Variants in RASSF3 observed in about 807,000 individuals in gnomAD.
RASSF3 encodes the protein Ras association domain family member 3, also known as ras association domain-containing protein 3.
A neutral mutation model predicts 19.9 loss-of-function variants in RASSF3; 19 were observed. That is an observed-to-expected ratio of 0.96 (90% CI 0.67 to 1.40). The LOEUF is 1.40. Ranked by LOEUF, RASSF3 falls within the 40% of genes most tolerant of loss-of-function variation. The pLI is 0.00. For missense variants in RASSF3, 306 were observed against 289.8 expected (o/e 1.06, Z -0.41); for synonymous variants, 110 against 104.2 (o/e 1.06, Z -0.34).
chr12:64,583,588 C>T (rs1869739855), intron 2 of RASSF3, among the ~76,000 whole-genome samples: 1 of 152,212 alleles, frequency 6.6e-6, no homozygotes, highest in Non-Finnish European at 1.5e-5. Flanking sequence ...CGCCATTGCA[C>T]TCCAGCCTGG....
At chr12:64,622,208 G>A (rs1870798654) in intron 1 of RASSF3, among the ~76,000 whole-genome samples, 1 of 147,554 alleles carries the variant, frequency 6.8e-6, no homozygotes, top group Non-Finnish European at 1.5e-5. Context: ...GCACCACCAT[G>A]TCCAGCTATT....
At chr12:64,632,265 TGTG>T (rs1871192485) in intron 1 of RASSF3, among the ~76,000 whole-genome samples, 2 of 151,720 alleles carry the variant, frequency 1.3e-5, no homozygotes, top group Admixed American at 1.3e-4. Flanking sequence ...ACGCCAAAGG[TGTG>T]GTGAAAAACT....
intron 2 of RASSF3, among the ~76,000 whole-genome samples, chr12:64,561,994 T>C (rs1869355831): frequency 1.0e-5 from 1 of 97,026 alleles, no homozygotes; most frequent in African/African-American, 2.9e-5. Context: ...ATAGTATTTA[T>C]TTATTTATTT....
chr12:64,592,441 A>G (rs187489542), intron 2 of RASSF3, among the ~76,000 whole-genome samples: 41 of 152,264 alleles, frequency 2.7e-4, no homozygotes, highest in African/African-American at 9.9e-4. Context: ...AACTTTGACC[A>G]TGAGGCATTT....
At chr12:64,580,611 C>CACACACAT (rs1869678600) in intron 2 of RASSF3, among the ~76,000 whole-genome samples, 1 of 151,306 alleles carries the variant, frequency 6.6e-6, no homozygotes, top group Non-Finnish European at 1.5e-5. Flanking sequence ...CACACACACA[C>CACACACAT]ACATCCACAC....
At chr12:64,510,213 T>C (rs748568063) in intron 1 of RASSF3, among the ~76,000 whole-genome samples, 1 of 152,226 alleles carries the variant, frequency 6.6e-6, no homozygotes, top group Non-Finnish European at 1.5e-5. Flanking sequence ...ATCTCCAGTG[T>C]TTAACATAGT....
intron 2 of RASSF3, among the ~76,000 whole-genome samples, chr12:64,585,601 C>CTTTT (rs35374871): frequency 1.0e-5 from 1 of 96,266 alleles, no homozygotes; most frequent in African/African-American, 4.5e-5. Context: ...TAGGCAAGTC[C>CTTTT]TTTTTTTTTT....
intron 1 of RASSF3, among the ~76,000 whole-genome samples, chr12:64,669,388 A>G (rs1250108242): frequency 6.6e-6 from 1 of 152,054 alleles, no homozygotes; most frequent in Non-Finnish European, 1.5e-5. Context: ...TGGATGAAAC[A>G]GTTCCCCCTG....
chr12:64,670,544 C>CT (rs34897392), intron 1 of RASSF3, among the ~76,000 whole-genome samples: 31,109 of 131,170 alleles, frequency 0.24, 4,294 homozygotes, highest in South Asian at 0.38. Context: ...CTCTCTCTCT[C>CT]TTTTTTTTTT....
chr12:64,535,975 C>T (rs1305349629), intron 1 of RASSF3, among the ~76,000 whole-genome samples: 1 of 150,860 alleles, frequency 6.6e-6, no homozygotes, highest in African/African-American at 2.4e-5. Context: ...GTGTGAACCA[C>T]CGCACCCAGC....
intron 2 of RASSF3, among the ~76,000 whole-genome samples, chr12:64,597,480 A>G (rs1870015952): frequency 6.8e-6 from 1 of 146,770 alleles, no homozygotes; most frequent in Non-Finnish European, 1.5e-5. Flanking sequence ...ATTTTGAGAC[A>G]GAGTCTCGCT....
At chr12:64,543,452 G>GCCCGC (rs1293762384), downstream of RASSF3, among the ~76,000 whole-genome samples, 1 of 10,860 alleles carries the variant, frequency 9.2e-5, no homozygotes, top group African/African-American at 4.3e-4. Flanking sequence ...GTGCCCGCCC[G>GCCCGC]CCCCCCGCTC....
chr12:64,509,128 T>G (rs1289853310), intron 1 of RASSF3, among the ~76,000 whole-genome samples: 1 of 151,998 alleles, frequency 6.6e-6, no homozygotes, highest in African/African-American at 2.4e-5. Flanking sequence ...TTAAGAAAAA[T>G]CATCTTCACC....
chr12:64,677,948 C>T (rs1018058442), intron 1 of RASSF3, among the ~76,000 whole-genome samples: 1 of 152,214 alleles, frequency 6.6e-6, no homozygotes, highest in African/African-American at 2.4e-5. Context: ...ATGGAAATCA[C>T]TTACTTCATA....
At chr12:64,666,401 G>GAAACAGCCACTGGA (rs1872540189) in intron 1 of RASSF3, among the ~76,000 whole-genome samples, 1 of 152,018 alleles carries the variant, frequency 6.6e-6, no homozygotes, top group Non-Finnish European at 1.5e-5. Context: ...AGTTCAGAGT[G>GAAACAGCCACTGGA]GTTAACTGAA....
rs1358913790 is a variant in RASSF3 at position 64,695,030 on chromosome 12, A to G, written c.*118A>G. On this transcript the variant is annotated 3_prime_UTR_variant, in exon 5 of 5. Transcript: ENST00000542104. ...ACTATGCTAGGGTCTTCGCCTTTCT[A>G]TCTGTAGATTTTGTTCCCCAAACCT... The G allele has an allele frequency of 8.8e-6, 10 of 1,133,048 alleles. No homozygotes were observed. Among genetic ancestry groups the G allele is most frequent in the African/African-American group, 3.2e-5 (2 of 63,302 alleles). The allele number at this position is 1,133,048 out of a possible 1,614,324, so 70.2% of individuals were successfully genotyped here.
At chr12:64,593,314 G>A (rs185471507) in intron 2 of RASSF3, among the ~76,000 whole-genome samples, 2 of 152,234 alleles carry the variant, frequency 1.3e-5, no homozygotes, top group Admixed American at 6.5e-5. Flanking sequence ...CTCCGCTTCT[G>A]GGGTTCAAGC....
intron 2 of RASSF3, among the ~76,000 whole-genome samples, chr12:64,582,104 C>T (rs1341855004): frequency 1.3e-5 from 2 of 152,142 alleles, no homozygotes; most frequent in South Asian, 2.1e-4. Flanking sequence ...CCTCTCACCT[C>T]GGCCTCCCAA....
intron 1 of RASSF3, among the ~76,000 whole-genome samples, chr12:64,617,999 T>C (rs1249960379): frequency 6.6e-6 from 1 of 152,234 alleles, no homozygotes; most frequent in African/African-American, 2.4e-5. Context: ...AAAATGTTTT[T>C]TAAATAACTT....
Sources: gnomAD v4.1 joint callset for allele counts (sites outside exome capture counted in the v4.1 genomes callset) on GRCh38, gnomAD v4.1.1 for gene constraint, MANE v1.5 for transcripts, NCBI Gene and HGNC (gene_info 2026-07-23, HGNC 2026-07-21) for gene names.